Variants in ETS1 observed in about 807,000 individuals in gnomAD.
ETS1 encodes ETS proto-oncogene 1, transcription factor.
A neutral mutation model predicts 58.6 loss-of-function variants in ETS1; 15 were observed. The observed-to-expected ratio is 0.26, with a 90% CI of 0.17 to 0.39. The LOEUF is 0.39. Among genes scored for constraint, ETS1 ranks in the 10% least tolerant of loss-of-function variants. The pLI is 1.00. For synonymous variants in ETS1, 214 were observed against 218.2 expected (o/e 0.98, Z 0.17); for missense variants, 417 against 610.5 (o/e 0.68, Z 3.34).
chr11:128,577,401 C>T (rs1864773435), intron 1 of ETS1, among the ~76,000 whole-genome samples: 1 of 152,174 alleles, frequency 6.6e-6, no homozygotes. Context: ...TTTCTCCGTA[C>T]TCTGACACCT....
intron 1 of ETS1, among the ~76,000 whole-genome samples, chr11:128,585,198 GAAAGAAA>G (rs1864999551): frequency 1.9e-5 from 1 of 53,114 alleles, no homozygotes; most frequent in South Asian, 5.4e-4. Context: ...AGGAAGGAAA[GAAAGAAA>G]GAAAGAAAGA....
intron 1 of ETS1, among the ~76,000 whole-genome samples, chr11:128,585,825 T>C (rs1372467146): frequency 6.6e-6 from 1 of 152,222 alleles, no homozygotes; most frequent in Non-Finnish European, 1.5e-5. Context: ...AGCTAATCAC[T>C]GACATAATCC....
At position 128,514,247 on chromosome 11, in the gene ETS1, C is replaced by CA. The variant is rs939028434; in HGVS notation, c.215-23672dup. Among the ~76,000 whole-genome samples, 88 of 144,170 alleles carry CA rather than the reference C, an allele frequency of 6.1e-4. 1 individual carries two copies. Among genetic ancestry groups the CA allele is most frequent in the Admixed American group, 2.0e-3 (29 of 14,562 alleles). 94.6% of individuals were successfully genotyped at this position (144,170 alleles called of 152,430 possible). A position where few individuals can be genotyped will look rare whatever the true frequency, so the allele number is the denominator to read the frequency against. On this transcript the variant is annotated intron_variant, in intron 3 of 9. Transcript: ENST00000392668. ...CAGTATGAGTAGGAGGAAAAGTAAC[C>CA]AAAAAAAAAAAGTTACCTATCTCAT...
At chr11:128,524,565 G>A (rs1200924514) in intron 3 of ETS1, among the ~76,000 whole-genome samples, 1 of 152,162 alleles carries the variant, frequency 6.6e-6, no homozygotes, top group Non-Finnish European at 1.5e-5. Context: ...AGGTCTGCCA[G>A]GGTCATGTTT....
chr11:128,556,864 G>GA lies in ETS1; in HGVS notation c.70-430dup, dbSNP rs973147083. On this transcript the variant is annotated intron_variant, in intron 2 of 9. Coordinates refer to ENST00000392668, the MANE Select transcript of ETS1 (RefSeq NM_001143820.2). ...AACAAGTAAATGATACATGCCAAAG[G>GA]AAAAAAAAATGGACCTATGTAATAA... Among the ~76,000 whole-genome samples the GA allele has an allele frequency of 1.1e-4, 17 of 150,528 alleles. No individual in the cohort carries two copies. The East Asian group carries it at 1.4e-3, about 12-fold the overall frequency.
chr11:128,585,209 A>AGAAAGAAAGAAAGAAAGAAG (rs1565422054), intron 1 of ETS1, among the ~76,000 whole-genome samples: 6 of 133,892 alleles, frequency 4.5e-5, no homozygotes, highest in African/African-American at 2.0e-4. Flanking sequence ...AAAGAAAGAA[A>AGAAAGAAAGAAAGAAAGAAG]GAAAGAAAGA....
At chr11:128,573,590 A>G (rs2135582644) in intron 1 of ETS1, among the ~76,000 whole-genome samples, 1 of 152,324 alleles carries the variant, frequency 6.6e-6, no homozygotes, top group Middle Eastern at 3.4e-3. Context: ...GGAAGGATGG[A>G]AAAAGCTCTC....
chr11:128,523,161 C>G (rs1175270935), intron 3 of ETS1, among the ~76,000 whole-genome samples: 1 of 152,176 alleles, frequency 6.6e-6, no homozygotes, highest in Non-Finnish European at 1.5e-5. Context: ...AACTAACAAC[C>G]CTCCCACGAC....
Position 128,505,906 on chromosome 11 carries a change from C to G in ETS1, c.215-15330G>C, listed in dbSNP as rs376675780. On this transcript the variant is annotated intron_variant, in intron 3 of 9. Transcript: ENST00000392668. ...ACTGTCTGCATGCAGCTGGTGAAAG[C>G]GCTCATTATCTCTGTCCAGACGACA... Among the ~76,000 whole-genome samples, 142 of 152,288 alleles carry G rather than the reference C, an allele frequency of 9.3e-4. 1 individual carries two copies. In the Middle Eastern group the frequency reaches 0.014, roughly 15 times the overall value.
chr11:128,485,294 T>C (rs555770880), intron 6 of ETS1, among the ~76,000 whole-genome samples: 2 of 152,284 alleles, frequency 1.3e-5, no homozygotes, highest in East Asian at 1.9e-4. Flanking sequence ...ATCTCTAAAA[T>C]GGGGGTGATT....
chr11:128,493,306 TGGTCTGGACA>T (rs1862851535), intron 3 of ETS1, among the ~76,000 whole-genome samples: 1 of 152,226 alleles, frequency 6.6e-6, no homozygotes, highest in South Asian at 2.1e-4. Flanking sequence ...CCTGGCAGTG[TGGTCTGGACA>T]GGACTGCTGA....
intron 3 of ETS1, among the ~76,000 whole-genome samples, chr11:128,523,616 A>C (rs1863744168): frequency 6.6e-6 from 1 of 152,220 alleles, no homozygotes; most frequent in South Asian, 2.1e-4. Flanking sequence ...TGTGCCCTTG[A>C]AGCCTTAGTA....
intron 8 of ETS1, among the ~76,000 whole-genome samples, chr11:128,472,436 T>A (rs947552498): frequency 2.0e-5 from 3 of 152,138 alleles, no homozygotes; most frequent in Non-Finnish European, 4.4e-5. Flanking sequence ...CAGAAGCCCA[T>A]CACGGACTAC....
At chr11:128,570,197 A>G (rs1687530328) in intron 2 of ETS1, among the ~76,000 whole-genome samples, 1 of 150,440 alleles carries the variant, frequency 6.6e-6, no homozygotes, top group Admixed American at 6.6e-5. Context: ...AACTAAGTAC[A>G]TATTTGTGTG....
intron 2 of ETS1, among the ~76,000 whole-genome samples, chr11:128,563,127 C>T (rs1226150872): frequency 6.6e-6 from 1 of 152,114 alleles, no homozygotes; most frequent in Non-Finnish European, 1.5e-5. Context: ...TAGTTGCTCA[C>T]CTTCTGTATG....
intron 8 of ETS1, among the ~76,000 whole-genome samples, chr11:128,474,901 T>A (rs1163655841): frequency 6.6e-6 from 1 of 152,334 alleles, no homozygotes; most frequent in East Asian, 1.9e-4. Context: ...TGGTCTACAT[T>A]GAGACTGTGA....
intron 8 of ETS1, among the ~76,000 whole-genome samples, chr11:128,473,134 G>A (rs1250664230): frequency 6.6e-6 from 1 of 152,182 alleles, no homozygotes; most frequent in Non-Finnish European, 1.5e-5. Flanking sequence ...GTATATGAAG[G>A]AGTCTAAGCA....
intron 8 of ETS1, among the ~76,000 whole-genome samples, chr11:128,476,009 A>C (rs1002176211): frequency 3.3e-5 from 5 of 152,240 alleles, no homozygotes; most frequent in South Asian, 2.1e-4. Context: ...GCATAACACC[A>C]TAAAACATAA....
intron 7 of ETS1, among the ~76,000 whole-genome samples, chr11:128,481,842 C>T (rs917643165): frequency 1.3e-5 from 2 of 152,110 alleles, no homozygotes; most frequent in African/African-American, 2.4e-5. Flanking sequence ...TTTAAAGATC[C>T]GGATAAAATG....
Sources: allele counts gnomAD v4.1 joint callset (sites outside exome capture counted in the v4.1 genomes callset), GRCh38; gene constraint gnomAD v4.1.1; transcripts MANE v1.5; gene names NCBI Gene and HGNC (gene_info 2026-07-23, HGNC 2026-07-21).